Variants in AUTS2 observed in about 807,000 individuals in gnomAD.
AUTS2 encodes activator of transcription and developmental regulator AUTS2, also known as autism susceptibility gene 2 protein.
AUTS2 carries 17 observed loss-of-function variants against 112.4 expected under a neutral mutation model. That is an observed-to-expected ratio of 0.15 (90% CI 0.10 to 0.23). The LOEUF (loss-of-function observed/expected upper bound fraction) is 0.23, where lower values mean the gene tolerates loss of function less well. Ranked by LOEUF, AUTS2 falls within the 10% of genes least tolerant of loss-of-function variation. The pLI is 1.00. For synonymous variants in AUTS2, 751 were observed against 702.7 expected (o/e 1.07, Z -1.09); for missense variants, 1,510 against 1,701.6 (o/e 0.89, Z 1.98).
chr7:70,785,130 T>G, intron 16 of AUTS2, 111 bp downstream of exon 16: 2 of 1,096,434 alleles, frequency 1.8e-6, no homozygotes, highest in Non-Finnish European at 2.7e-6. Flanking sequence ...CCAGATACCC[T>G]GCTTACCATT....
In AUTS2 at chr7:70,432,076, A is replaced by G. The variant is rs150313988; in HGVS notation, c.661-3676A>G. Reference sequence around the variant, plus strand: ...TTCTTGCTTTTAAAATGGAGGATATATTTTTAGCTTTTCACAGCGGGCTCT... The same window carrying G: ...TTCTTGCTTTTAAAATGGAGGATATGTTTTTAGCTTTTCACAGCGGGCTCT... On this transcript the variant is annotated intron_variant, in intron 4 of 18. Coordinates refer to ENST00000342771, the MANE Select transcript of AUTS2 (RefSeq NM_015570.4). Among the ~76,000 whole-genome samples the G allele has an allele frequency of 7.2e-4, 109 of 152,290 alleles. 3 individuals are homozygous for G. The East Asian group carries it at 0.021, about 29-fold the overall frequency.
chr7:69,824,881 G>A (rs973685242), intron 1 of AUTS2, among the ~76,000 whole-genome samples: 2 of 152,058 alleles, frequency 1.3e-5, no homozygotes, highest in African/African-American at 4.8e-5. Flanking sequence ...TATCTATTTC[G>A]GAGATTGCGC....
intron 5 of AUTS2, among the ~76,000 whole-genome samples, chr7:70,489,230 G>A (rs989614036): frequency 2.6e-5 from 4 of 152,154 alleles, no homozygotes; most frequent in African/African-American, 7.2e-5. Context: ...ACACAAATGC[G>A]GTTCTGCTGT....
chr7:69,955,619 G>A (rs574369466), intron 2 of AUTS2, among the ~76,000 whole-genome samples: 9 of 152,274 alleles, frequency 5.9e-5, no homozygotes, highest in South Asian at 2.1e-4. Flanking sequence ...TTTGCAAACA[G>A]CATGCAGTTT....
intron 1 of AUTS2, among the ~76,000 whole-genome samples, chr7:69,808,546 G>A (rs1790408702): frequency 6.6e-6 from 1 of 152,060 alleles, no homozygotes. Context: ...TTGCGCTTAG[G>A]CACTAAATCA....
chr7:70,162,445 C>CAAAAAAA (rs57688959), intron 4 of AUTS2, among the ~76,000 whole-genome samples: 33 of 56,702 alleles, frequency 5.8e-4, no homozygotes, highest in African/African-American at 1.7e-3. Flanking sequence ...GACTCCGTCT[C>CAAAAAAA]AAAAAAAAAA....
At chr7:69,889,065 T>C (rs1794404854) in intron 1 of AUTS2, among the ~76,000 whole-genome samples, 1 of 152,180 alleles carries the variant, frequency 6.6e-6, no homozygotes, top group Admixed American at 6.5e-5. Context: ...AAGTTCATTC[T>C]CCTTTAAGTT....
chr7:70,785,941 C>T lies in AUTS2; in HGVS notation c.2225-14C>T, dbSNP rs773294985. The T allele has an allele frequency of 1.5e-5, 24 of 1,613,236 alleles. No homozygotes were observed. The South Asian group carries it at 2.6e-4, about 18-fold the overall frequency. On this transcript the variant is annotated splice_polypyrimidine_tract_variant and intron_variant, in intron 16 of 18. Transcript: ENST00000342771. ...AGCCCCTGACCATTTCCTTCTTCCC[C>T]ATCTTGTTTGCAGAGCCTTTTAATC...
chr7:70,217,605 T>C (rs1212454224), intron 4 of AUTS2, among the ~76,000 whole-genome samples: 1 of 152,208 alleles, frequency 6.6e-6, no homozygotes, highest in Non-Finnish European at 1.5e-5. Context: ...TGCTCAAGAT[T>C]TGGAAGGTCG....
chr7:70,792,262 G>C lies in AUTS2; in HGVS notation c.*1266G>C, dbSNP rs1348534085. ...GATGGCAGAAAAAAAAGTCTTGTGT[G>C]TGAGTGTGTTTTTTGAGTTTGCATC... On this transcript the variant is annotated 3_prime_UTR_variant, in exon 19 of 19. Coordinates refer to ENST00000342771, the MANE Select transcript of AUTS2 (RefSeq NM_015570.4). The C allele has an allele frequency of 6.6e-6, 1 of 152,506 alleles. No homozygotes were observed. Among genetic ancestry groups the C allele is most frequent in the South Asian group, 2.1e-4 (1 of 4,830 alleles). 9.4% of individuals were successfully genotyped at this position (152,506 alleles called of 1,614,324 possible). A position where few individuals can be genotyped will look rare whatever the true frequency, so the allele number is the denominator to read the frequency against.
intron 16 of AUTS2, chr7:70,785,476 C>G (rs1250081549): frequency 6.4e-6 from 3 of 469,616 alleles, no homozygotes; most frequent in South Asian, 4.6e-5. Context: ...AATAAAGGTG[C>G]ATGCTTTGTG....
At chr7:69,892,669 C>T (rs922018271) in intron 1 of AUTS2, among the ~76,000 whole-genome samples, 1 of 152,012 alleles carries the variant, frequency 6.6e-6, no homozygotes, top group Non-Finnish European at 1.5e-5. Flanking sequence ...CCTTTGGTGT[C>T]ATAGTAAGAA....
intron 2 of AUTS2, among the ~76,000 whole-genome samples, chr7:69,947,360 G>C (rs1276392631): frequency 6.6e-6 from 1 of 152,136 alleles, no homozygotes; most frequent in Non-Finnish European, 1.5e-5. Context: ...GGCGAGAAAA[G>C]CCACTGATCG....
chr7:70,191,436 G>T (rs1584858935), intron 4 of AUTS2, among the ~76,000 whole-genome samples: 1 of 152,062 alleles, frequency 6.6e-6, no homozygotes. Context: ...CTCCCAAAGT[G>T]CTGGGATTAT....
chr7:69,866,463 C>T (rs1271007004), intron 1 of AUTS2, among the ~76,000 whole-genome samples: 1 of 152,186 alleles, frequency 6.6e-6, no homozygotes, highest in East Asian at 1.9e-4. Flanking sequence ...TAAATGACTA[C>T]TGCACTTATG....
At chr7:70,161,263 TC>T (rs1347353810) in intron 4 of AUTS2, among the ~76,000 whole-genome samples, 1 of 151,168 alleles carries the variant, frequency 6.6e-6, no homozygotes, top group Non-Finnish European at 1.5e-5. Flanking sequence ...AATGAATCTT[TC>T]CCCCAATTTT....
chr7:69,778,094 T>C (rs1015704525), intron 1 of AUTS2, among the ~76,000 whole-genome samples: 4 of 152,108 alleles, frequency 2.6e-5, no homozygotes, highest in African/African-American at 9.7e-5. Context: ...AGGTAAAATG[T>C]AAATGCCTTA....
intron 2 of AUTS2, among the ~76,000 whole-genome samples, chr7:70,085,796 C>T (rs892848349): frequency 6.6e-6 from 1 of 152,050 alleles, no homozygotes; most frequent in Admixed American, 6.5e-5. Context: ...AATTTTCTTC[C>T]TTTTTACTAA....
chr7:70,771,493 T>G (rs2129558281), intron 10 of AUTS2, 56 bp from the exon 11 acceptor site: 2 of 1,442,786 alleles, frequency 1.4e-6, no homozygotes, highest in East Asian at 2.3e-5. Flanking sequence ...GGAATTTGAA[T>G]ATGTCACTTG....
Sources: allele counts gnomAD v4.1 joint callset (sites outside exome capture counted in the v4.1 genomes callset), GRCh38; gene constraint gnomAD v4.1.1; transcripts MANE v1.5; gene names NCBI Gene and HGNC (gene_info 2026-07-23, HGNC 2026-07-21).